Variants in LRMDA observed in about 807,000 individuals in gnomAD.
LRMDA encodes leucine-rich melanocyte differentiation-associated protein.
Under a neutral mutation model 29.8 loss-of-function variants are expected in LRMDA, and 18 were observed. The ratio of observed to expected loss-of-function variants is 0.60; its 90% CI spans 0.42 to 0.90. The LOEUF (loss-of-function observed/expected upper bound fraction) is 0.90. Among genes scored for constraint, LRMDA ranks in the 40% least tolerant of loss-of-function variants. LRMDA has a pLI of 0.00. For missense variants in LRMDA, 273 were observed against 273.9 expected (o/e 1.00, Z 0.02); for synonymous variants, 125 against 109.4 (o/e 1.14, Z -0.89).
intron 2 of LRMDA, among the ~76,000 whole-genome samples, chr10:75,575,331 A>G (rs1278027230): frequency 6.6e-6 from 1 of 152,206 alleles, no homozygotes; most frequent in Non-Finnish European, 1.5e-5. Flanking sequence ...ACAGTCCCCT[A>G]AAGTCTTAAC....
At chr10:75,807,887 T>C (rs1843886445) in intron 2 of LRMDA, among the ~76,000 whole-genome samples, 1 of 152,218 alleles carries the variant, frequency 6.6e-6, no homozygotes, top group Non-Finnish European at 1.5e-5. Flanking sequence ...GCAATGGACA[T>C]ATTTCTGAGT....
chr10:75,648,793 G>A (rs1774068652), intron 2 of LRMDA, among the ~76,000 whole-genome samples: 1 of 152,154 alleles, frequency 6.6e-6, no homozygotes, highest in Admixed American at 6.5e-5. Context: ...CCTAACATGT[G>A]TTAGGGATGA....
At chr10:75,835,994 A>G (rs1844428732) in intron 2 of LRMDA, among the ~76,000 whole-genome samples, 1 of 152,204 alleles carries the variant, frequency 6.6e-6, no homozygotes, top group Non-Finnish European at 1.5e-5. Flanking sequence ...GAAAAGCATT[A>G]TCAAGCACAG....
intron 2 of LRMDA, among the ~76,000 whole-genome samples, chr10:75,652,981 C>T (rs1841618881): frequency 6.6e-6 from 1 of 152,176 alleles, no homozygotes; most frequent in South Asian, 2.1e-4. Flanking sequence ...ATTCTGAACA[C>T]TCTCTCTGCT....
chr10:75,607,808 A>G (rs1840974252), intron 2 of LRMDA, among the ~76,000 whole-genome samples: 1 of 139,160 alleles, frequency 7.2e-6, no homozygotes, highest in African/African-American at 2.7e-5. Context: ...CCACTCCTGG[A>G]GATTTTGATT....
At chr10:76,086,082 G>T (rs1228956163) in intron 5 of LRMDA, among the ~76,000 whole-genome samples, 1 of 152,122 alleles carries the variant, frequency 6.6e-6, no homozygotes, top group Non-Finnish European at 1.5e-5. Context: ...TTTCTCTTCT[G>T]GGGACCAGTG....
intron 2 of LRMDA, among the ~76,000 whole-genome samples, chr10:75,518,128 C>T (rs906024407): frequency 2.6e-5 from 4 of 152,116 alleles, no homozygotes; most frequent in African/African-American, 7.2e-5. Flanking sequence ...ATTTTCACAT[C>T]GATGTTCATC....
At chr10:76,009,183 G>A (rs1358720734) in intron 2 of LRMDA, among the ~76,000 whole-genome samples, 1 of 152,074 alleles carries the variant, frequency 6.6e-6, no homozygotes, top group Non-Finnish European at 1.5e-5. Context: ...CAATGTCAGA[G>A]CTAAAAACAC....
intron 2 of LRMDA, among the ~76,000 whole-genome samples, chr10:75,889,160 A>C (rs1845440797): frequency 6.6e-6 from 1 of 152,226 alleles, no homozygotes; most frequent in African/African-American, 2.4e-5. Flanking sequence ...AAACTGAGAC[A>C]AAATCAGCCT....
intron 2 of LRMDA, among the ~76,000 whole-genome samples, chr10:75,999,968 C>T (rs1302173645): frequency 1.3e-5 from 2 of 152,140 alleles, no homozygotes; most frequent in East Asian, 1.9e-4. Context: ...TTAAACCATT[C>T]CTGACACTTG....
At chr10:75,750,466 T>A in intron 2 of LRMDA, among the ~76,000 whole-genome samples, 1 of 118,390 alleles carries the variant, frequency 8.4e-6, no homozygotes, top group South Asian at 3.3e-4. Context: ...GAGGCGCTCC[T>A]CACATCCCAG....
chr10:76,009,820 C>A (rs1021209538), intron 2 of LRMDA, among the ~76,000 whole-genome samples: 1 of 152,150 alleles, frequency 6.6e-6, no homozygotes, highest in Non-Finnish European at 1.5e-5. Flanking sequence ...ACGGCTGCCT[C>A]TTTGCCGAGC....
intron 2 of LRMDA, among the ~76,000 whole-genome samples, chr10:75,875,763 T>C (rs752240289): frequency 3.3e-5 from 5 of 152,360 alleles, no homozygotes; most frequent in Non-Finnish European, 7.3e-5. Context: ...GAGAAAGGTC[T>C]AATTGGATAG....
intron 5 of LRMDA, among the ~76,000 whole-genome samples, chr10:76,155,365 C>G (rs1307428557): frequency 1.8e-5 from 2 of 109,636 alleles, no homozygotes; most frequent in African/African-American, 7.7e-5. Flanking sequence ...ATCTCTGTCA[C>G]TCTTCTCCCT....
chr10:75,565,231 T>G (rs1840354940), intron 2 of LRMDA, among the ~76,000 whole-genome samples: 1 of 152,184 alleles, frequency 6.6e-6, no homozygotes, highest in African/African-American at 2.4e-5. Flanking sequence ...GGGGGAATGG[T>G]TTTGTTTCCT....
At chr10:75,491,098 G>C (rs575462717) in intron 2 of LRMDA, among the ~76,000 whole-genome samples, 2 of 152,178 alleles carry the variant, frequency 1.3e-5, no homozygotes, top group African/African-American at 2.4e-5. Context: ...CATTTTCTTT[G>C]AAGCTTGAAT....
At chr10:75,885,950 G>A (rs1383416445) in intron 2 of LRMDA, among the ~76,000 whole-genome samples, 1 of 152,212 alleles carries the variant, frequency 6.6e-6, no homozygotes, top group African/African-American at 2.4e-5. Context: ...ATAGATGAAT[G>A]AATAAAGATA....
At chr10:76,325,705 A>G (rs1334821535) in intron 6 of LRMDA, among the ~76,000 whole-genome samples, 3 of 152,174 alleles carry the variant, frequency 2.0e-5, no homozygotes, top group Non-Finnish European at 4.4e-5. Context: ...GAGTCATTGA[A>G]TAAGTTGCAT....
intron 6 of LRMDA, among the ~76,000 whole-genome samples, chr10:76,532,244 T>C: frequency 6.6e-6 from 1 of 152,184 alleles, no homozygotes; most frequent in Non-Finnish European, 1.5e-5. Flanking sequence ...TTCTCATTAT[T>C]CAACTTCCAC....
Sources: gnomAD v4.1 joint callset for allele counts (sites outside exome capture counted in the v4.1 genomes callset) on GRCh38, gnomAD v4.1.1 for gene constraint, MANE v1.5 for transcripts, NCBI Gene and HGNC (gene_info 2026-07-23, HGNC 2026-07-21) for gene names.